The following SRRM3 variants were observed in gnomAD, a reference collection of about 807,000 sequenced individuals.
SRRM3 encodes serine/arginine repetitive matrix protein 3.
A neutral mutation model predicts 66.2 loss-of-function variants in SRRM3; 27 were observed. The observed-to-expected ratio is 0.41, with a 90% CI of 0.30 to 0.56. SRRM3 has a LOEUF of 0.56. Ranked by LOEUF, SRRM3 falls within the 20% of genes least tolerant of loss-of-function variation. The pLI, the probability that SRRM3 is intolerant of heterozygous loss-of-function variation, is 0.32. For missense variants in SRRM3, 918 were observed against 991.9 expected (o/e 0.93, Z 1.00); for synonymous variants, 391 against 414.9 (o/e 0.94, Z 0.70).
chr7:76,246,588 GAGAAAAGAAA>G lies in SRRM3; in HGVS notation c.234-1597_234-1588del, dbSNP rs531849417. On this transcript the variant is annotated intron_variant, in intron 2 of 14. Transcript: ENST00000611745. The stretch of plus-strand genomic sequence containing the variant: ...CAAAAAATAAAAATTAAAAAAAAGA[GAGAAAAGAAA>G]AGTTGTATAGGTGTACACAAGTGTA... Among the ~76,000 whole-genome samples the G allele has an allele frequency of 2.4e-3, 369 of 152,112 alleles. 2 individuals carry two copies. The highest frequency in any genetic ancestry group is 8.6e-3 in the African/African-American group (355 of 41,520).
intron 11 of SRRM3, chr7:76,269,059 T>G (rs1802144155): frequency 6.6e-6 from 1 of 152,262 alleles, no homozygotes; most frequent in South Asian, 2.1e-4. Context: ...CCTGGAGTCC[T>G]GAGCAATGAT....
rs782010710 is a variant in SRRM3 at position 76,261,562 on chromosome 7, C to T, written c.655C>T (p.Arg219Trp). Residue 219 changes from arginine to tryptophan, a missense_variant, in exon 8 of 15, where the codon CGG (arginine) becomes TGG (tryptophan). Arg to Trp is a moderately radical substitution (Grantham distance 101, BLOSUM62 -3). Coordinates refer to ENST00000611745, the MANE Select transcript of SRRM3 (RefSeq NM_001110199.3). Reference protein sequence around the residue: ...HRRDRSDSGSRRKRRHRSRSS... With the variant: ...HRRDRSDSGSWRKRRHRSRSS... ...GCCCTACAGGTCTGATTCTGGGTCC[C>T]GGAGGAAGAGACGGCACAGGTGAGC... is the stretch of plus-strand genomic sequence containing the variant. 16 of 1,611,820 alleles carry T rather than the reference C, an allele frequency of 9.9e-6. No homozygotes were observed. The highest frequency in any genetic ancestry group is 3.3e-4 in the Middle Eastern group (2 of 6,060).
At position 76,282,756 on chromosome 7, in the gene SRRM3, C is replaced by T. The variant is rs970123521; in HGVS notation, c.1479C>T (p.Gly493=). ...GGAAGAGCTCGTCGCGCAGCCCCGG[C>T]CCGCACCCCCGCTCCTGGAGCTCCA... ...PEGKSSSRSP[G]PHPRSWSSSR... Residue 493 remains glycine (G), a synonymous_variant, in exon 13 of 15, where the codon GGC becomes GGT. Transcript: ENST00000611745. 6.8e-6 allele frequency: 10 copies of T among 1,464,486 alleles called. No homozygotes were observed. Among genetic ancestry groups the T allele is most frequent in the Non-Finnish European group, 9.0e-6 (10 of 1,114,232 alleles). The allele number at this position is 1,464,486 out of a possible 1,614,324, so 90.7% of individuals were successfully genotyped here.
At chr7:76,274,275 G>A (rs1016008983) in intron 11 of SRRM3, among the ~76,000 whole-genome samples, 2 of 152,258 alleles carry the variant, frequency 1.3e-5, no homozygotes, top group Non-Finnish European at 2.9e-5. Flanking sequence ...GCTTCCTCAA[G>A]TCCTTCCCTG....
chr7:76,275,623 G>T (rs1348442430), intron 11 of SRRM3, among the ~76,000 whole-genome samples: 2 of 152,114 alleles, frequency 1.3e-5, no homozygotes, highest in Non-Finnish European at 2.9e-5. Flanking sequence ...TATGACCAGG[G>T]ACCCACGAGT....
chr7:76,249,972 T>G (rs1801535219), intron 3 of SRRM3, among the ~76,000 whole-genome samples: 1 of 152,112 alleles, frequency 6.6e-6, no homozygotes, highest in Non-Finnish European at 1.5e-5. Context: ...TCATTTGCTG[T>G]TCCGCTATCC....
At chr7:76,239,189 C>T (rs1554605304) in intron 2 of SRRM3, among the ~76,000 whole-genome samples, 1 of 151,906 alleles carries the variant, frequency 6.6e-6, no homozygotes, top group African/African-American at 2.4e-5. Flanking sequence ...CACGCCACCA[C>T]ACCCAGCTAA....
chr7:76,269,827 A>T (rs1268680744), intron 11 of SRRM3: 6 of 128,642 alleles, frequency 4.7e-5, no homozygotes, highest in African/African-American at 1.1e-4. Context: ...TCTATCTTCT[A>T]TGTTCTAGAA....
chr7:76,281,800 A>ACGGTGAG lies in SRRM3; in HGVS notation c.1370+1_1370+7dup. On this transcript the variant is annotated stop_gained and frameshift_variant and splice_region_variant, in exon 12 of 15. Coordinates refer to ENST00000611745, the MANE Select transcript of SRRM3 (RefSeq NM_001110199.3). LOFTEE classifies it high-confidence loss of function. The stretch of plus-strand genomic sequence containing the variant: ...AGCGAGGCCACGGCGGACACGGGAA[A>ACGGTGAG]CGGTGAGCGTGCTGGACCCGGAGCT... The ACGGTGAG allele has an allele frequency of 1.5e-6, 2 of 1,365,450 alleles. No homozygotes were observed. Among genetic ancestry groups the ACGGTGAG allele is most frequent in the South Asian group, 3.0e-5 (2 of 67,548 alleles). The allele number at this position is 1,365,450 out of a possible 1,614,324, so 84.6% of individuals were successfully genotyped here.
intron 2 of SRRM3, among the ~76,000 whole-genome samples, chr7:76,244,799 T>C (rs371847094): frequency 2.0e-5 from 3 of 152,202 alleles, no homozygotes; most frequent in African/African-American, 7.2e-5. Flanking sequence ...TCTCCAGCCA[T>C]GAATTCACCA....
intron 1 of SRRM3, among the ~76,000 whole-genome samples, chr7:76,223,402 G>A (rs1467343521): frequency 1.3e-5 from 2 of 152,210 alleles, no homozygotes; most frequent in African/African-American, 2.4e-5. Context: ...CAGGGAATAT[G>A]TCCCTGTCAT....
At chr7:76,272,518 T>A (rs1554610635) in intron 11 of SRRM3, among the ~76,000 whole-genome samples, 1 of 151,998 alleles carries the variant, frequency 6.6e-6, no homozygotes, top group Non-Finnish European at 1.5e-5. Flanking sequence ...CAGTGAGCTA[T>A]CATCCTGTCT....
intron 3 of SRRM3, among the ~76,000 whole-genome samples, chr7:76,258,479 C>A (rs1801768727): frequency 6.6e-6 from 1 of 151,396 alleles, no homozygotes; most frequent in African/African-American, 2.4e-5. Context: ...CGTTGGGAGG[C>A]CAAGGTGGGT....
intron 3 of SRRM3, among the ~76,000 whole-genome samples, chr7:76,253,220 C>T (rs1801623997): frequency 6.6e-6 from 1 of 151,778 alleles, no homozygotes; most frequent in African/African-American, 2.4e-5. Context: ...GGCACAGTGG[C>T]TCACGCCCGT....
intron 1 of SRRM3, among the ~76,000 whole-genome samples, chr7:76,219,737 C>T (rs191610052): frequency 5.3e-4 from 80 of 152,122 alleles, no homozygotes; most frequent in African/African-American, 1.9e-3. Context: ...AGTGAAACCC[C>T]GTCTCTACTA....
chr7:76,260,925 T>C (rs1554608606), intron 6 of SRRM3, 22 bp downstream of exon 6: 4 of 1,556,568 alleles, frequency 2.6e-6, no homozygotes, highest in Non-Finnish European at 3.5e-6. Flanking sequence ...CAGAGCTGGC[T>C]GGGGCCAGGG....
At chr7:76,263,843 AG>A in intron 8 of SRRM3, among the ~76,000 whole-genome samples, 1 of 137,306 alleles carries the variant, frequency 7.3e-6, no homozygotes, top group African/African-American at 2.8e-5. Flanking sequence ...ACTGCACACC[AG>A]CCTGGGCAAC....
intron 8 of SRRM3, among the ~76,000 whole-genome samples, chr7:76,263,875 G>GCCAAAAAAAAAAAAAAAAAAAAAAAAAA (rs1243393227): frequency 7.5e-5 from 2 of 26,760 alleles, no homozygotes; most frequent in African/African-American, 1.4e-4. Context: ...TCTGTCTCAA[G>GCCAAAAAAAAAAAAAAAAAAAAAAAAAA]ACAAAAAAAA....
chr7:76,234,977 C>A, intron 1 of SRRM3, 51 bp from the exon 2 acceptor site: 1 of 1,048,930 alleles, frequency 9.5e-7, no homozygotes. Flanking sequence ...AGGAGCTTAA[C>A]AGGTGGCGAA....
Sources: gnomAD v4.1 joint callset for allele counts (sites outside exome capture counted in the v4.1 genomes callset) on GRCh38, gnomAD v4.1.1 for gene constraint, MANE v1.5 for transcripts, NCBI Gene and HGNC (gene_info 2026-07-23, HGNC 2026-07-21) for gene names.